The following SYNPR variants were observed in gnomAD, a reference collection of about 807,000 sequenced individuals.
SYNPR encodes synaptoporin.
Under a neutral mutation model 32.9 loss-of-function variants are expected in SYNPR, and 23 were observed. The observed-to-expected ratio is 0.70, with a 90% CI of 0.50 to 0.99. The LOEUF (loss-of-function observed/expected upper bound fraction) is 0.99. Ranked by LOEUF, SYNPR falls within the 50% of genes least tolerant of loss-of-function variation. SYNPR has a pLI of 0.00. For missense variants in SYNPR, 318 were observed against 349.3 expected (o/e 0.91, Z 0.71); for synonymous variants, 146 against 135.9 (o/e 1.07, Z -0.52).
chr3:63,443,551 T>C (rs760410781), intron 2 of SYNPR: 2 of 1,428,276 alleles, frequency 1.4e-6, no homozygotes, highest in East Asian at 2.4e-5. Context: ...CACATTTGGA[T>C]TGTACACTTT....
intron 3 of SYNPR, among the ~76,000 whole-genome samples, chr3:63,522,041 T>C (rs1701926199): frequency 6.6e-6 from 1 of 152,182 alleles, no homozygotes; most frequent in Non-Finnish European, 1.5e-5. Flanking sequence ...ACAAAGGACA[T>C]GTTTCTCAAC....
At chr3:63,218,572 A>C in the SYNPR span, among the ~76,000 whole-genome samples, 3 of 152,330 alleles carry the variant, frequency 2.0e-5, no homozygotes, top group East Asian at 1.9e-4. Flanking sequence ...GATGCCTCTC[A>C]GGCTATAAAG....
intron 2 of SYNPR, among the ~76,000 whole-genome samples, chr3:63,325,325 GA>G (rs1211050725): frequency 2.0e-5 from 3 of 152,166 alleles, no homozygotes; most frequent in African/African-American, 7.2e-5. Flanking sequence ...GGGTACACAA[GA>G]AACATAATTT....
At chr3:63,532,271 A>G (rs907515880) in intron 3 of SYNPR, among the ~76,000 whole-genome samples, 1 of 152,152 alleles carries the variant, frequency 6.6e-6, no homozygotes, top group Non-Finnish European at 1.5e-5. Context: ...ATTGTCACCT[A>G]GCTACACGAC....
At chr3:63,454,467 C>G (rs1700440793) in intron 2 of SYNPR, among the ~76,000 whole-genome samples, 1 of 152,122 alleles carries the variant, frequency 6.6e-6, no homozygotes, top group Non-Finnish European at 1.5e-5. Flanking sequence ...TAATACTTAA[C>G]AAAATCATTC....
At chr3:63,432,458 C>G (rs1446331994) in intron 2 of SYNPR, among the ~76,000 whole-genome samples, 2 of 152,134 alleles carry the variant, frequency 1.3e-5, no homozygotes, top group African/African-American at 4.8e-5. Context: ...GGGAGTATTT[C>G]CATGTGCTTT....
At chr3:63,271,169 G>A (rs1433060256) in intron 3 of SYNPR, among the ~76,000 whole-genome samples, 1 of 152,026 alleles carries the variant, frequency 6.6e-6, no homozygotes, top group African/African-American at 2.4e-5. Context: ...GTGTAAAACT[G>A]CAGTGCAATA....
Position 63,480,938 on chromosome 3 carries a change from C to T in SYNPR, c.191C>T (p.Ala64Val), listed in dbSNP as rs765628098. ...KTESNLSIDI[A>V]FAYPFRLHQV... is the part of the protein sequence containing the mutation. ...GAAAGTAACCTCAGCATCGACATAGCGTTTGCCTACCCATTCAGGTAGGGA... is the reference window on the plus strand; with the variant it reads ...GAAAGTAACCTCAGCATCGACATAGTGTTTGCCTACCCATTCAGGTAGGGA... The change falls in exon 3 of 6, where the codon GCG becomes GTG. Residue 64 changes from alanine to valine, a missense_variant. Transcript: ENST00000478300. The T allele has an allele frequency of 6.2e-6, 10 of 1,612,586 alleles. No homozygotes were observed. The highest frequency in any genetic ancestry group is 3.3e-5 in the Admixed American group (2 of 59,922).
At chr3:63,279,778 C>T (rs548165580) in intron 2 of SYNPR, among the ~76,000 whole-genome samples, 25 of 152,310 alleles carry the variant, frequency 1.6e-4, no homozygotes, top group Middle Eastern at 3.4e-3. Flanking sequence ...GGCTACATAA[C>T]TGTGATGATT....
chr3:63,404,038 T>C (rs766833305), intron 2 of SYNPR, among the ~76,000 whole-genome samples: 8 of 152,166 alleles, frequency 5.3e-5, no homozygotes, highest in Non-Finnish European at 7.3e-5. Flanking sequence ...CCAACCACCA[T>C]TTACTAGAGA....
chr3:63,435,404 A>G (rs1023932190), intron 2 of SYNPR, among the ~76,000 whole-genome samples: 4 of 152,374 alleles, frequency 2.6e-5, no homozygotes, highest in Non-Finnish European at 4.4e-5. Flanking sequence ...AGAAAGGTCC[A>G]TGGTAGGAAA....
chr3:63,510,915 CTGTG>C (rs755622968), intron 3 of SYNPR, among the ~76,000 whole-genome samples: 8 of 149,192 alleles, frequency 5.4e-5, no homozygotes, highest in Admixed American at 1.3e-4. Context: ...AAAGGTACAA[CTGTG>C]TGTGTGTGTG....
At chr3:63,344,403 G>T (rs1248498580) in intron 2 of SYNPR, among the ~76,000 whole-genome samples, 1 of 152,010 alleles carries the variant, frequency 6.6e-6, no homozygotes, top group Non-Finnish European at 1.5e-5. Flanking sequence ...TTAATATAAA[G>T]GTCCAGGAAC....
intron 4 of SYNPR, among the ~76,000 whole-genome samples, chr3:63,593,188 T>C (rs1434337161): frequency 6.6e-6 from 1 of 152,150 alleles, no homozygotes; most frequent in East Asian, 1.9e-4. Flanking sequence ...CTATTAATAT[T>C]AATGCTACTA....
At chr3:63,487,718 A>T (rs546259078) in intron 3 of SYNPR, among the ~76,000 whole-genome samples, 55 of 152,316 alleles carry the variant, frequency 3.6e-4, no homozygotes, top group South Asian at 6.2e-4. Flanking sequence ...AAGACTTTTT[A>T]AAAAAATTTA....
At chr3:63,468,879 A>G (rs1370044179) in intron 2 of SYNPR, among the ~76,000 whole-genome samples, 1 of 152,188 alleles carries the variant, frequency 6.6e-6, no homozygotes, top group Non-Finnish European at 1.5e-5. Flanking sequence ...CACTAAGGTA[A>G]AGCTGAATAA....
chr3:63,206,268 C>G, the SYNPR span, among the ~76,000 whole-genome samples: 273 of 152,246 alleles, frequency 1.8e-3, 2 homozygotes, highest in African/African-American at 6.3e-3. Flanking sequence ...GGGAAAGGCT[C>G]TGAAAAAGAT....
At chr3:63,372,299 G>C (rs1328112607) in intron 2 of SYNPR, among the ~76,000 whole-genome samples, 1 of 152,030 alleles carries the variant, frequency 6.6e-6, no homozygotes, top group Non-Finnish European at 1.5e-5. Flanking sequence ...GCCCCAGCTT[G>C]AGCCAGCAGC....
At chr3:63,476,200 G>C (rs554262128) in intron 2 of SYNPR, among the ~76,000 whole-genome samples, 1 of 75,686 alleles carries the variant, frequency 1.3e-5, no homozygotes, top group Non-Finnish European at 2.7e-5. Flanking sequence ...AGGGAAGCAA[G>C]GGAAGGAAGG....
Sources: allele counts gnomAD v4.1 joint callset (sites outside exome capture counted in the v4.1 genomes callset), GRCh38; gene constraint gnomAD v4.1.1; transcripts MANE v1.5; gene names NCBI Gene and HGNC (gene_info 2026-07-23, HGNC 2026-07-21).